The following FARS2 variants were observed in gnomAD, a reference collection of about 807,000 sequenced individuals.
The protein encoded by FARS2 is phenylalanyl-tRNA synthetase 2, mitochondrial, also known as phenylalanine--tRNA ligase, mitochondrial.
FARS2 carries 40 observed loss-of-function variants against 46.4 expected under a neutral mutation model. The observed-to-expected ratio is 0.86, with a 90% CI of 0.67 to 1.12. The LOEUF (loss-of-function observed/expected upper bound fraction) is 1.12. Among genes scored for constraint, FARS2 ranks in the 50% most tolerant of loss-of-function variants. The pLI, the probability that FARS2 is intolerant of heterozygous loss-of-function variation, is 0.00. For missense variants in FARS2, 513 were observed against 567.9 expected, an observed-to-expected ratio of 0.90 and a Z score of 0.98; for synonymous variants, 234 against 214.9, an observed-to-expected ratio of 1.09 and a Z score of -0.78.
intron 6 of FARS2, among the ~76,000 whole-genome samples, chr6:5,658,408 C>G (rs1220079816): frequency 6.6e-6 from 1 of 152,130 alleles, no homozygotes; most frequent in Non-Finnish European, 1.5e-5. Context: ...TTTTTATCTC[C>G]AGTAACTAAA....
upstream of FARS2, among the ~76,000 whole-genome samples, chr6:5,259,441 G>T (rs1157349837): frequency 6.6e-6 from 1 of 152,148 alleles, no homozygotes; most frequent in Non-Finnish European, 1.5e-5. Flanking sequence ...CACTTAACTG[G>T]GTGGATACAA....
chr6:5,635,802 G>A (rs1442194899), intron 6 of FARS2, among the ~76,000 whole-genome samples: 2 of 152,168 alleles, frequency 1.3e-5, no homozygotes, highest in East Asian at 1.9e-4. Context: ...CCTGCAGAAG[G>A]CATGTGACAT....
chr6:5,511,063 G>A (rs1197909323), intron 4 of FARS2, among the ~76,000 whole-genome samples: 1 of 152,194 alleles, frequency 6.6e-6, no homozygotes, highest in African/African-American at 2.4e-5. Flanking sequence ...CAAGACACAG[G>A]AGGGAGAAGG....
intron 2 of FARS2, among the ~76,000 whole-genome samples, chr6:5,382,596 G>T (rs760861888): frequency 3.3e-5 from 5 of 152,142 alleles, no homozygotes; most frequent in Non-Finnish European, 5.9e-5. Flanking sequence ...AGGCCTAATA[G>T]TATGTGAAGT....
intron 4 of FARS2, among the ~76,000 whole-genome samples, chr6:5,530,997 T>C (rs926435598): frequency 2.6e-5 from 4 of 151,424 alleles, no homozygotes. Flanking sequence ...GCTGCTGATC[T>C]CCAGCTTTTT....
chr6:5,737,359 C>T (rs1458064032), intron 6 of FARS2, among the ~76,000 whole-genome samples: 2 of 152,162 alleles, frequency 1.3e-5, no homozygotes, highest in South Asian at 2.1e-4. Context: ...AGTGAAACCC[C>T]GTCTCCACTA....
intron 5 of FARS2, among the ~76,000 whole-genome samples, chr6:5,549,965 T>G (rs980431020): frequency 1.3e-5 from 2 of 152,192 alleles, no homozygotes; most frequent in South Asian, 4.1e-4. Flanking sequence ...TTTCATCATT[T>G]AATTATCTAA....
intron 4 of FARS2, among the ~76,000 whole-genome samples, chr6:5,460,225 C>G (rs11964868): frequency 6.6e-6 from 1 of 152,158 alleles, no homozygotes; most frequent in Non-Finnish European, 1.5e-5. Flanking sequence ...ATTGCCTGAA[C>G]TGACTCTCAA....
chr6:5,388,415 C>T (rs1336122455), intron 2 of FARS2, among the ~76,000 whole-genome samples: 4 of 152,018 alleles, frequency 2.6e-5, no homozygotes, highest in African/African-American at 9.7e-5. Context: ...TGGGGTTCAT[C>T]GGGGATTAAT....
chr6:5,652,000 C>T (rs144449332), intron 6 of FARS2, among the ~76,000 whole-genome samples: 132 of 152,232 alleles, frequency 8.7e-4, no homozygotes, highest in African/African-American at 2.7e-3. Context: ...AAGAAGTCAT[C>T]TTAGTTTACT....
chr6:5,668,849 A>G (rs1183808278), intron 6 of FARS2, among the ~76,000 whole-genome samples: 1 of 151,554 alleles, frequency 6.6e-6, no homozygotes, highest in African/African-American at 2.4e-5. Context: ...ACCCACCATC[A>G]CGCCCTGCTA....
intron 1 of FARS2, among the ~76,000 whole-genome samples, chr6:5,363,200 A>G (rs1452513871): frequency 6.6e-6 from 1 of 151,982 alleles, no homozygotes; most frequent in African/African-American, 2.4e-5. Flanking sequence ...TGCTGGGATT[A>G]CAGGCATGAG....
chr6:5,523,035 A>G (rs1769239809), intron 4 of FARS2, among the ~76,000 whole-genome samples: 1 of 152,200 alleles, frequency 6.6e-6, no homozygotes. Context: ...ACATAGTGAT[A>G]AGCATTGCAT....
At chr6:5,283,620 T>A (rs1173441662) in intron 1 of FARS2, among the ~76,000 whole-genome samples, 1 of 152,100 alleles carries the variant, frequency 6.6e-6, no homozygotes, top group African/African-American at 2.4e-5. Flanking sequence ...CCTGTCTCTG[T>A]CCTTCAGCTC....
intron 5 of FARS2, among the ~76,000 whole-genome samples, chr6:5,607,722 G>A (rs55690827): frequency 2.0e-5 from 3 of 151,816 alleles, no homozygotes; most frequent in Non-Finnish European, 4.4e-5. Flanking sequence ...TAACCATGAC[G>A]CGTTTATACT....
At chr6:5,263,984 G>A (rs980969369) in intron 1 of FARS2, among the ~76,000 whole-genome samples, 2 of 152,202 alleles carry the variant, frequency 1.3e-5, no homozygotes, top group Non-Finnish European at 2.9e-5. Flanking sequence ...GGTTGAGGCA[G>A]GTGGATTGCT....
intron 6 of FARS2, among the ~76,000 whole-genome samples, chr6:5,658,199 T>G (rs1395928854): frequency 6.7e-6 from 1 of 149,916 alleles, no homozygotes; most frequent in African/African-American, 2.5e-5. Context: ...GAGTTTGTGG[T>G]GAGCCGAGAT....
chr6:5,581,893 A>G (rs111968873), intron 5 of FARS2, among the ~76,000 whole-genome samples: 1 of 142,512 alleles, frequency 7.0e-6, no homozygotes, highest in Non-Finnish European at 1.5e-5. Context: ...TAACATACTT[A>G]CGGTTAATTC....
At chr6:5,298,862 CAAAAAAAA>C (rs771852149) in intron 1 of FARS2, among the ~76,000 whole-genome samples, 2 of 74,740 alleles carry the variant, frequency 2.7e-5, no homozygotes, top group African/African-American at 8.4e-5. Context: ...AACTCCATCT[CAAAAAAAA>C]AAAAAAAAAA....
Sources: gnomAD v4.1 joint callset for allele counts (sites outside exome capture counted in the v4.1 genomes callset) on GRCh38, gnomAD v4.1.1 for gene constraint, MANE v1.5 for transcripts, NCBI Gene and HGNC (gene_info 2026-07-23, HGNC 2026-07-21) for gene names.